Variants in MACF1 observed in about 807,000 individuals in gnomAD.
The protein encoded by MACF1 is microtubule-actin cross-linking factor 1.
A neutral mutation model predicts 854.8 loss-of-function variants in MACF1; 193 were observed. The observed-to-expected ratio is 0.23, with a 90% confidence interval of 0.20 to 0.25. The LOEUF is 0.25. MACF1 is among the 10% of genes least tolerant of loss of function. MACF1 has a pLI of 1.00. For missense variants in MACF1, 7,722 were observed against 8,929.1 expected (o/e 0.86, Z 5.45); for synonymous variants, 3,185 against 3,226.7 (o/e 0.99, Z 0.44).
At chr1:39,389,606 C>T (rs952311205) in intron 58 of MACF1, among the ~76,000 whole-genome samples, 5 of 151,936 alleles carry the variant, frequency 3.3e-5, no homozygotes, top group South Asian at 2.1e-4. Context: ...GTGATCCACC[C>T]GCCCTAGCCT....
intron 2 of MACF1, among the ~76,000 whole-genome samples, chr1:39,160,699 T>C (rs1308900279): frequency 6.6e-6 from 1 of 152,226 alleles, no homozygotes; most frequent in Non-Finnish European, 1.5e-5. Flanking sequence ...TCCTTATCAT[T>C]TTTTGGAATG....
intron 94 of MACF1, chr1:39,464,475 G>A (rs975388504): frequency 2.6e-5 from 4 of 153,696 alleles, no homozygotes; most frequent in African/African-American, 7.2e-5. Context: ...ATAACCTAGG[G>A]CATTTAGTTA....
chr1:39,455,192 TAACACATTACCACAGAC>T lies in MACF1; in HGVS notation c.21075+96_21075+112del, dbSNP rs1270708032. 4.6e-4 allele frequency: 559 copies of T among 1,214,718 alleles called. 2 individuals carry two copies. Among genetic ancestry groups the T allele is most frequent in the Middle Eastern group, 3.9e-4 (2 of 5,092 alleles). 75.2% of individuals were successfully genotyped at this position (1,214,718 alleles called of 1,614,324 possible). ...GTGTATATGTTTTTAAATGGCTGCT[TAACACATTACCACAGAC>T]TTAGCACTGTAAAACAACACATACT... On this transcript the variant is annotated intron_variant, in intron 89 of 100. Transcript: ENST00000564288.
chr1:39,262,359 CCACTG>C (rs1447161979), intron 6 of MACF1, among the ~76,000 whole-genome samples: 2 of 137,366 alleles, frequency 1.5e-5, no homozygotes, highest in African/African-American at 5.4e-5. Flanking sequence ...TGAAATTGTG[CCACTG>C]CACTCCAGCC....
chr1:39,430,675 G>A (rs1643864245), intron 65 of MACF1, 27 bp from the exon 66 acceptor site: 4 of 1,585,048 alleles, frequency 2.5e-6, no homozygotes, highest in Non-Finnish European at 3.5e-6. Flanking sequence ...AGCAAGGTAT[G>A]GCCTGAAAAC....
Position 39,322,964 on chromosome 1 carries a change from G to A in MACF1, c.4192G>A (p.Val1398Met), listed in dbSNP as rs919613027. ...TALVTLTTQH[V>M]KYISDALRRL... ...ATTGGTGACTTTAACAACTCAGCAC[G>A]TGAAATACATCAGTGATGCACTCCG... The change falls in exon 33 of 101, where the codon GTG becomes ATG. Residue 1398 changes from valine (V) to methionine (M), a missense_variant. Physicochemically the swap from Val to Met is conservative, Grantham distance 21 (BLOSUM62 1). Transcript: ENST00000564288. 37 of 1,613,972 alleles carry A rather than the reference G, an allele frequency of 2.3e-5. No individual in the cohort carries two copies. Among genetic ancestry groups the A allele is most frequent in the Non-Finnish European group, 2.8e-5 (33 of 1,179,984 alleles).
intron 1 of MACF1, among the ~76,000 whole-genome samples, chr1:39,223,435 A>T (rs12096683): frequency 0.031 from 4,705 of 152,254 alleles, 236 homozygotes; most frequent in African/African-American, 0.11. Context: ...TTTCTGGCTA[A>T]CTTACAGAGT....
chr1:39,120,489 C>T (rs1161599957), intron 2 of MACF1, among the ~76,000 whole-genome samples: 11 of 151,852 alleles, frequency 7.2e-5, no homozygotes, highest in Admixed American at 1.3e-4. Context: ...CTCAGCCTCC[C>T]GAGTAGCTAG....
At chr1:39,101,968 A>C (rs1370131214) in intron 2 of MACF1, among the ~76,000 whole-genome samples, 1 of 151,704 alleles carries the variant, frequency 6.6e-6, no homozygotes. Context: ...CGAGGTCAGG[A>C]GATCGAGACC....
intron 91 of MACF1, chr1:39,459,849 T>C (rs1316015496): frequency 4.6e-6 from 6 of 1,304,212 alleles, no homozygotes; most frequent in Middle Eastern, 2.1e-4. Flanking sequence ...GTTCTGTGTT[T>C]TGTTTATTTT....
At chr1:39,252,589 C>G (rs1045460530) in intron 4 of MACF1, among the ~76,000 whole-genome samples, 4 of 151,724 alleles carry the variant, frequency 2.6e-5, no homozygotes, top group Non-Finnish European at 4.4e-5. Context: ...AGTCCAAAAT[C>G]TTTTTCCAGA....
chr1:39,340,282 A>G (rs1220625207), intron 38 of MACF1, among the ~76,000 whole-genome samples: 1 of 152,112 alleles, frequency 6.6e-6, no homozygotes, highest in Admixed American at 6.5e-5. Context: ...TTTTTAAGCA[A>G]TGAGGCATCT....
chr1:39,335,920 G>T lies in MACF1; in HGVS notation c.9332G>T (p.Gly3111Val), dbSNP rs1209009748. Reference protein sequence around the residue: ...PFPCMTPRPEGLHYQESDGKA... With the variant: ...PFPCMTPRPEVLHYQESDGKA... ...CCTTGTATGACCCCAAGACCTGAAGGATTGCACTACCAGGAATCAGATGGA... is the reference window on the plus strand; with the variant it reads ...CCTTGTATGACCCCAAGACCTGAAGTATTGCACTACCAGGAATCAGATGGA... Residue 3111 changes from glycine (G) to valine (V), a missense_variant, in exon 37 of 101, where the codon GGA becomes GTA. Transcript: ENST00000564288. The T allele has an allele frequency of 6.2e-7, 1 of 1,614,102 alleles. No homozygotes were observed. The highest frequency in any genetic ancestry group is 8.5e-7 in the Non-Finnish European group (1 of 1,180,012).
chr1:39,281,967 A>G lies in MACF1; in HGVS notation c.529-241A>G, dbSNP rs2252049. 0.06 allele frequency among the ~76,000 whole-genome samples: 9,194 copies of G among 152,110 alleles called. 360 individuals carry two copies. Among genetic ancestry groups the G allele is most frequent in the African/African-American group, 0.11 (4,755 of 41,456 alleles). On this transcript the variant is annotated intron_variant, in intron 6 of 100. Coordinates refer to ENST00000564288, the MANE Select transcript of MACF1 (RefSeq NM_001394062.1). Reference sequence around the variant, plus strand: ...TACCCAGTTGTAGATCTTCTCTCCAATCGTGAATAATATCATTAAAAACAA... The same window carrying G: ...TACCCAGTTGTAGATCTTCTCTCCAGTCGTGAATAATATCATTAAAAACAA...
chr1:39,116,637 A>G (rs1642554578), intron 2 of MACF1, among the ~76,000 whole-genome samples: 1 of 152,200 alleles, frequency 6.6e-6, no homozygotes, highest in Non-Finnish European at 1.5e-5. Context: ...TTGGCTCCCC[A>G]GTGAAATTGT....
chr1:39,476,085 C>T (rs964414067), intron 97 of MACF1, among the ~76,000 whole-genome samples: 1 of 152,158 alleles, frequency 6.6e-6, no homozygotes, highest in Non-Finnish European at 1.5e-5. Context: ...CCTGTATGTA[C>T]TCATGCTCAT....
At chr1:39,369,950 G>A in intron 50 of MACF1, 80 bp from the exon 51 acceptor site, 1 of 1,308,514 alleles carries the variant, frequency 7.6e-7, no homozygotes, top group Admixed American at 2.2e-5. Flanking sequence ...GATGTCTGGA[G>A]TCACAGAATG....
intron 64 of MACF1, 145 bp downstream of exon 64, chr1:39,429,471 A>G: frequency 1.7e-6 from 1 of 600,284 alleles, no homozygotes; most frequent in Non-Finnish European, 3.0e-6. Flanking sequence ...ACTGTGCTCC[A>G]GAAGGTTGTT....
Position 39,283,270 on chromosome 1 carries a change from A to C in MACF1, c.777A>C (p.Arg259Ser). The change falls in exon 8 of 101, where the codon AGA becomes AGC. Residue 259 changes from arginine (R) to serine (S), a missense_variant. Physicochemically the swap from Arg to Ser is moderately radical, Grantham distance 110. This residue lies in a region of MACF1 where 108 missense variants were observed against 196.4 expected (regional missense o/e 0.55). Coordinates refer to ENST00000564288, the MANE Select transcript of MACF1 (RefSeq NM_001394062.1). The surrounding 1 kb of genome is among the most constrained non-coding windows in gnomAD (Gnocchi z 4.5). ...NLEQAFEVAE[R>S]LGVTRLLDAE... ...AACAGGCTTTTGAAGTGGCAGAAAG[A>C]CTGGGGGTCACTCGCCTGCTGGATG... The C allele has an allele frequency of 6.2e-7, 1 of 1,613,830 alleles. No individual in the cohort carries two copies.
Sources: gnomAD v4.1 joint callset for allele counts (sites outside exome capture counted in the v4.1 genomes callset) on GRCh38, gnomAD v4.1.1 for gene constraint, gnomAD v4.1.1 regional missense constraint, Gnocchi (gnomAD v3.1) non-coding constraint, MANE v1.5 for transcripts, NCBI Gene and HGNC (gene_info 2026-07-23, HGNC 2026-07-21) for gene names.